The following EEA1 variants were observed in gnomAD, a reference collection of about 807,000 sequenced individuals.
EEA1 encodes early endosome antigen 1, also known as early endosome antigen 1, 162kD.
Under a neutral mutation model 209.2 loss-of-function variants are expected in EEA1, and 111 were observed. The observed-to-expected ratio is 0.53, with a 90% confidence interval of 0.45 to 0.62. EEA1 has a LOEUF of 0.62. EEA1 is among the 20% of genes least tolerant of loss of function. The pLI is 0.00. For synonymous variants in EEA1, 536 were observed against 540.6 expected (o/e 0.99, Z 0.12); for missense variants, 1,343 against 1,530.8 (o/e 0.88, Z 2.05).
At chr12:92,829,703 C>T (rs572996104) in intron 11 of EEA1, among the ~76,000 whole-genome samples, 6 of 149,528 alleles carry the variant, frequency 4.0e-5, no homozygotes, top group Non-Finnish European at 7.4e-5. Flanking sequence ...TGCTTGGACC[C>T]GGAAAATGGA....
rs1386810741 is a variant in EEA1 at position 92,798,996 on chromosome 12, G to C, written c.2863C>G (p.Gln955Glu). ...TCATTTATGTTCCCCTGAAGTTGTTGCTCTTCTTTTTCATTTTGTTTTAAA... is the reference window on the plus strand; with the variant it reads ...TCATTTATGTTCCCCTGAAGTTGTTCCTCTTCTTTTTCATTTTGTTTTAAA... ...NTLKQNEKEE[Q>E]QLQGNINELK... Residue 955 changes from glutamine to glutamate, a missense_variant, in exon 21 of 29, where the codon CAA (glutamine) becomes GAA (glutamate). Coordinates refer to ENST00000322349, the MANE Select transcript of EEA1 (RefSeq NM_003566.4). The C allele has an allele frequency of 5.0e-6, 8 of 1,612,694 alleles. No homozygotes were observed. The highest frequency in any genetic ancestry group is 6.8e-6 in the Non-Finnish European group (8 of 1,179,500).
rs1592785345 is a variant in EEA1, at chr12:92,929,072, A to T, written c.-6T>A. The T allele has an allele frequency of 6.4e-7, 1 of 1,562,226 alleles. No homozygotes were observed. Among genetic ancestry groups the T allele is most frequent in the Non-Finnish European group, 8.7e-7 (1 of 1,155,226 alleles). ...TGTAAAATCCTCCTTAACATGGTTT[A>T]ACCACCACCCGGCGCCGCCGCGGTG... On this transcript the variant is annotated 5_prime_UTR_variant, in exon 1 of 29. Transcript: ENST00000322349.
At chr12:92,854,076 G>A (rs983168642) in intron 5 of EEA1, 122 bp from the exon 6 acceptor site, 2 of 718,954 alleles carry the variant, frequency 2.8e-6, no homozygotes, top group Non-Finnish European at 4.2e-6. Context: ...AGATTTTGGT[G>A]AAAATTTAAA....
rs1873456291 is a variant in EEA1 at position 92,772,131 on chromosome 12, A to G, written c.*3880T>C. The G allele has an allele frequency of 6.6e-6, 1 of 151,884 alleles. No individual in the cohort carries two copies. The highest frequency in any genetic ancestry group is 2.4e-5 in the African/African-American group (1 of 41,394). 9.4% of individuals were successfully genotyped at this position (151,884 alleles called of 1,614,324 possible). On this transcript the variant is annotated 3_prime_UTR_variant, in exon 29 of 29. Transcript: ENST00000322349. ...AAACAATGGCACATTGGGCCTTCCA[A>G]AAAGTATCTTTGGGGAGGGGAGGGA...
chr12:92,924,852 A>T (rs1881147621), intron 1 of EEA1, among the ~76,000 whole-genome samples: 3 of 150,892 alleles, frequency 2.0e-5, no homozygotes, highest in Admixed American at 2.0e-4. Context: ...AAAAAAAAAA[A>T]AAAAAAAAAA....
intron 1 of EEA1, among the ~76,000 whole-genome samples, chr12:92,898,434 T>C (rs1220629412): frequency 6.6e-6 from 1 of 151,922 alleles, no homozygotes; most frequent in East Asian, 1.9e-4. Flanking sequence ...GAGGCTGAGG[T>C]GGGTGGATCA....
chr12:92,802,385 G>A lies in EEA1; in HGVS notation c.2670+19C>T. Reference sequence around the variant, plus strand: ...AAAATAATCACTTCTACCTAAGAAAGTAAATGTAAACTACTAACCAAGTCT... The same window carrying A: ...AAAATAATCACTTCTACCTAAGAAAATAAATGTAAACTACTAACCAAGTCT... On this transcript the variant is annotated intron_variant, in intron 19 of 28. Coordinates refer to ENST00000322349, the MANE Select transcript of EEA1 (RefSeq NM_003566.4). The A allele has an allele frequency of 6.5e-7, 1 of 1,537,778 alleles. No individual in the cohort carries two copies. Among genetic ancestry groups the A allele is most frequent in the Non-Finnish European group, 8.7e-7 (1 of 1,151,468 alleles).
chr12:92,850,063 T>C (rs980465819), intron 9 of EEA1, among the ~76,000 whole-genome samples: 5 of 152,196 alleles, frequency 3.3e-5, no homozygotes, highest in South Asian at 2.1e-4. Context: ...GCCAAAGTCA[T>C]GTCATGTAAG....
rs1190555536 is a variant in EEA1 at position 92,776,083 on chromosome 12, T to C, written c.4164A>G (p.Lys1388=). Residue 1388 remains lysine (K), a synonymous_variant, in exon 29 of 29, where the codon AAA becomes AAG. Transcript: ENST00000322349. ...TCTTGGAGGAAGGAGTTAAGGCATT[T>C]TTGGCTGAACATTCAGCACAGAAGA... The part of the protein sequence containing the change: ...GNIFCAECSA[K]NALTPSSKKP... 2 of 1,611,462 alleles carry C rather than the reference T, an allele frequency of 1.2e-6. No homozygotes were observed. The highest frequency in any genetic ancestry group is 1.3e-5 in the African/African-American group (1 of 74,920).
intron 21 of EEA1, among the ~76,000 whole-genome samples, chr12:92,794,857 G>A (rs1874587339): frequency 6.6e-6 from 1 of 151,552 alleles, no homozygotes. Flanking sequence ...TTGTGTACAT[G>A]TAAACTAGAA....
rs1427573129 is a variant in EEA1, at chr12:92,819,413, T to A, written c.1623A>T (p.Leu541Phe). The A allele has an allele frequency of 6.2e-7, 1 of 1,612,640 alleles. No individual in the cohort carries two copies. The highest frequency in any genetic ancestry group is 1.3e-5 in the African/African-American group (1 of 74,882). Reference protein sequence around the residue: ...LLQKSKENISLLEKEREDLYA... With the variant: ...LLQKSKENISFLEKEREDLYA... ...AAAGATCTTCTCTTTCTTTTTCTAG[T>A]AATGAAATATTTTCTTTACTCTTCT... Residue 541 changes from leucine (L) to phenylalanine (F), a missense_variant, in exon 14 of 29, where the codon TTA becomes TTT. Physicochemically the swap from Leu to Phe is conservative, Grantham distance 22 (BLOSUM62 0). This residue lies in a region of EEA1 where 1,307 missense variants were observed against 1,465.5 expected (regional missense o/e 0.89). Coordinates refer to ENST00000322349, the MANE Select transcript of EEA1 (RefSeq NM_003566.4).
chr12:92,902,607 G>T (rs1565857944), intron 1 of EEA1, among the ~76,000 whole-genome samples: 1 of 152,112 alleles, frequency 6.6e-6, no homozygotes, highest in South Asian at 2.1e-4. Flanking sequence ...TGGGTGTGGT[G>T]GCGGGCGCTT....
chr12:92,806,927 T>G (rs192129674), intron 18 of EEA1, among the ~76,000 whole-genome samples: 10 of 149,528 alleles, frequency 6.7e-5, no homozygotes, highest in Admixed American at 6.6e-4. Context: ...GCACGGTAAT[T>G]TTTCTTTTTT....
At chr12:92,874,318 TC>T (rs1878784015) in intron 2 of EEA1, among the ~76,000 whole-genome samples, 2 of 151,982 alleles carry the variant, frequency 1.3e-5, no homozygotes. Context: ...AGACCCTGTC[TC>T]AAAAAAGAAA....
intron 10 of EEA1, among the ~76,000 whole-genome samples, chr12:92,841,664 G>A (rs563295386): frequency 2.2e-4 from 34 of 152,040 alleles, no homozygotes; most frequent in Non-Finnish European, 4.1e-4. Flanking sequence ...GCAAATCAAA[G>A]CCACAATGAG....
At chr12:92,822,101 G>T (rs1476044368) in intron 13 of EEA1, among the ~76,000 whole-genome samples, 2 of 151,532 alleles carry the variant, frequency 1.3e-5, no homozygotes, top group African/African-American at 4.9e-5. Flanking sequence ...CAGTGGATGA[G>T]TTCCATTTCA....
At chr12:92,808,178 A>C (rs1481125355) in intron 18 of EEA1, among the ~76,000 whole-genome samples, 1 of 152,158 alleles carries the variant, frequency 6.6e-6, no homozygotes, top group Non-Finnish European at 1.5e-5. Context: ...GTGTCAGGAT[A>C]CCATATAGAC....
At chr12:92,882,924 C>T (rs1879215992) in intron 2 of EEA1, among the ~76,000 whole-genome samples, 1 of 152,098 alleles carries the variant, frequency 6.6e-6, no homozygotes, top group Non-Finnish European at 1.5e-5. Context: ...TTGTTTTGTT[C>T]AGATATATAC....
chr12:92,863,929 A>G (rs968873417), intron 3 of EEA1, among the ~76,000 whole-genome samples: 1 of 152,262 alleles, frequency 6.6e-6, no homozygotes, highest in African/African-American at 2.4e-5. Context: ...GATATTAAAT[A>G]TAAGAACATT....
Sources: gnomAD v4.1 joint callset for allele counts (sites outside exome capture counted in the v4.1 genomes callset) on GRCh38, gnomAD v4.1.1 for gene constraint, gnomAD v4.1.1 regional missense constraint, MANE v1.5 for transcripts, NCBI Gene and HGNC (gene_info 2026-07-23, HGNC 2026-07-21) for gene names.